TRIM44: variants seen among roughly 807,000 people sequenced by gnomAD.
TRIM44 encodes the protein tripartite motif-containing protein 44.
A neutral mutation model predicts 37.4 loss-of-function variants in TRIM44; 13 were observed. That is an observed-to-expected ratio of 0.35 (90% confidence interval 0.23 to 0.55). TRIM44 has a LOEUF of 0.55. Among genes scored for constraint, TRIM44 ranks in the 20% least tolerant of loss-of-function variants. The pLI is 0.89. For synonymous variants in TRIM44, 175 were observed against 157.2 expected (o/e 1.11, Z -0.85); for missense variants, 426 against 437.2 (o/e 0.97, Z 0.23).
chr11:35,739,553 G>T (rs1426384146), intron 4 of TRIM44, among the ~76,000 whole-genome samples: 1 of 152,110 alleles, frequency 6.6e-6, no homozygotes, highest in South Asian at 2.1e-4. Flanking sequence ...CCTGTTTTCT[G>T]CAGGTTGCTT....
intron 4 of TRIM44, among the ~76,000 whole-genome samples, chr11:35,802,487 T>G (rs182119832): frequency 1.8e-3 from 267 of 152,276 alleles, no homozygotes; most frequent in Admixed American, 0.015. Context: ...ACAGGCATGT[T>G]TCTGAGAAGG....
chr11:35,665,596 T>TG (rs1486309030), intron 1 of TRIM44, among the ~76,000 whole-genome samples: 6 of 137,814 alleles, frequency 4.4e-5, no homozygotes, highest in Non-Finnish European at 9.5e-5. Context: ...GTTTTTTTTT[T>TG]TTTTTTTTTT....
At chr11:35,799,984 T>C (rs544522966) in intron 4 of TRIM44, among the ~76,000 whole-genome samples, 1 of 152,240 alleles carries the variant, frequency 6.6e-6, no homozygotes, top group African/African-American at 2.4e-5. Flanking sequence ...ATGGCAGAGC[T>C]TACTCTTGGG....
At chr11:35,745,205 C>T (rs1852471558) in intron 4 of TRIM44, among the ~76,000 whole-genome samples, 1 of 152,154 alleles carries the variant, frequency 6.6e-6, no homozygotes, top group Non-Finnish European at 1.5e-5. Context: ...TTCTCTGCAC[C>T]TTGCCAGAAT....
At chr11:35,676,841 G>A (rs1182406641) in intron 1 of TRIM44, among the ~76,000 whole-genome samples, 5 of 151,520 alleles carry the variant, frequency 3.3e-5, no homozygotes, top group East Asian at 2.0e-4. Context: ...ATCTTTGGCC[G>A]AGGTTATAAA....
rs1237621112 is a variant in TRIM44, at chr11:35,706,279, C to G, written c.748-19645C>G. 2.7e-5 allele frequency among the ~76,000 whole-genome samples: 4 copies of G among 150,892 alleles called. 1 individual carries two copies. In the East Asian group the frequency reaches 7.8e-4, roughly 29 times the overall value. The stretch of plus-strand genomic sequence containing the variant: ...ATTGTGGCAACAATCAATAGCTTAC[C>G]AACCAAAAAGAGTCCAGGACCAGAT... On this transcript the variant is annotated intron_variant, in intron 2 of 4. Coordinates refer to ENST00000299413, the MANE Select transcript of TRIM44 (RefSeq NM_017583.6).
chr11:35,766,903 C>T (rs1011229659), intron 4 of TRIM44, among the ~76,000 whole-genome samples: 1 of 152,118 alleles, frequency 6.6e-6, no homozygotes. Flanking sequence ...CAAATGAGTT[C>T]AATTATTAAC....
intron 2 of TRIM44, among the ~76,000 whole-genome samples, chr11:35,705,942 A>T (rs1039708379): frequency 2.0e-5 from 3 of 149,010 alleles, no homozygotes; most frequent in African/African-American, 7.3e-5. Flanking sequence ...AGAGACACAA[A>T]AAAACCTTCA....
intron 1 of TRIM44, among the ~76,000 whole-genome samples, chr11:35,678,176 A>G (rs1851481299): frequency 6.6e-6 from 1 of 152,226 alleles, no homozygotes; most frequent in South Asian, 2.1e-4. Flanking sequence ...AGACTGTTTA[A>G]GCAAGGGAGT....
intron 1 of TRIM44, among the ~76,000 whole-genome samples, chr11:35,667,244 A>G (rs1295862613): frequency 2.0e-5 from 3 of 152,134 alleles, no homozygotes; most frequent in Non-Finnish European, 4.4e-5. Context: ...TTTCTCTTTC[A>G]CTTTTATGAT....
intron 2 of TRIM44, among the ~76,000 whole-genome samples, chr11:35,704,229 G>A (rs566995793): frequency 3.9e-5 from 6 of 152,230 alleles, no homozygotes; most frequent in Non-Finnish European, 5.9e-5. Context: ...AAAAAGGAAC[G>A]AACAAAGCCT....
At chr11:35,765,271 GGGCC>G (rs1852782249) in intron 4 of TRIM44, among the ~76,000 whole-genome samples, 1 of 152,094 alleles carries the variant, frequency 6.6e-6, no homozygotes, top group Non-Finnish European at 1.5e-5. Context: ...AATAAGCCAG[GGGCC>G]TTGCTTTCAA....
At position 35,811,786 on chromosome 11, in the gene TRIM44, C is replaced by T. The variant is rs1853529795; in HGVS notation, c.*5401C>T. 6.6e-6 allele frequency: 1 copy of T among 152,216 alleles called. No homozygotes were observed. The highest frequency in any genetic ancestry group is 1.5e-5 in the Non-Finnish European group (1 of 68,034). The allele number at this position is 152,216 out of a possible 1,614,324, so 9.4% of individuals were successfully genotyped here. ...GACTCTCCTCTAAATTTTCTTTTAA[C>T]ACATTTATCTTCATCAGACCCTTTT... is the stretch of plus-strand genomic sequence containing the variant. On this transcript the variant is annotated 3_prime_UTR_variant, in exon 5 of 5. Transcript: ENST00000299413.
At chr11:35,694,124 G>A (rs1851668935) in intron 2 of TRIM44, among the ~76,000 whole-genome samples, 1 of 152,104 alleles carries the variant, frequency 6.6e-6, no homozygotes, top group South Asian at 2.1e-4. Context: ...CACATACACA[G>A]ATACTTTTCT....
At chr11:35,735,579 G>A (rs1380974582) in intron 4 of TRIM44, 134 bp downstream of exon 4, 8 of 883,724 alleles carry the variant, frequency 9.1e-6, no homozygotes, top group Non-Finnish European at 1.8e-6. Context: ...CCTGGGATTT[G>A]AAGATCTTAT....
chr11:35,749,455 C>A (rs1466344117), intron 4 of TRIM44, among the ~76,000 whole-genome samples: 1 of 152,170 alleles, frequency 6.6e-6, no homozygotes, highest in Non-Finnish European at 1.5e-5. Flanking sequence ...GAGGCCTAGG[C>A]AGGTGAATTG....
intron 1 of TRIM44, among the ~76,000 whole-genome samples, chr11:35,681,952 C>CTTTTTT (rs35760830): frequency 9.9e-6 from 1 of 101,366 alleles, no homozygotes; most frequent in Non-Finnish European, 1.9e-5. Context: ...ATGTCCCATA[C>CTTTTTT]TTTTTTTTTT....
intron 4 of TRIM44, among the ~76,000 whole-genome samples, chr11:35,755,857 G>C (rs1371375550): frequency 1.3e-5 from 2 of 152,226 alleles, no homozygotes; most frequent in East Asian, 3.9e-4. Context: ...CTGTTCCATT[G>C]GTCTATATCT....
intron 4 of TRIM44, among the ~76,000 whole-genome samples, chr11:35,802,035 G>A (rs1387967768): frequency 6.6e-6 from 1 of 151,920 alleles, no homozygotes; most frequent in Non-Finnish European, 1.5e-5. Context: ...CAAAACTTTG[G>A]CACTGTGAAT....
Sources: allele counts gnomAD v4.1 joint callset (sites outside exome capture counted in the v4.1 genomes callset), GRCh38; gene constraint gnomAD v4.1.1; transcripts MANE v1.5; gene names NCBI Gene and HGNC (gene_info 2026-07-23, HGNC 2026-07-21).